The following RAP1GAP variants were observed in gnomAD, a reference collection of about 807,000 sequenced individuals.
The protein encoded by RAP1GAP is RAP1 GTPase activating protein.
RAP1GAP carries 35 observed loss-of-function variants against 87.2 expected under a neutral mutation model. The ratio of observed to expected loss-of-function variants is 0.40; its 90% CI spans 0.31 to 0.53. The LOEUF (loss-of-function observed/expected upper bound fraction) is 0.53. RAP1GAP is among the 20% of genes least tolerant of loss of function. The pLI is 0.48. For missense variants in RAP1GAP, 734 were observed against 898.9 expected (o/e 0.82, Z 2.35); for synonymous variants, 375 against 363.9 (o/e 1.03, Z -0.35).
Position 21,613,284 on chromosome 1 carries a change from G to A in RAP1GAP, c.475-55C>T. The A allele has an allele frequency of 2.1e-6, 3 of 1,431,762 alleles. No individual in the cohort carries two copies. The highest frequency in any genetic ancestry group is 1.7e-4 in the Middle Eastern group (1 of 5,732). 88.7% of individuals were successfully genotyped at this position (1,431,762 alleles called of 1,614,324 possible). On this transcript the variant is annotated intron_variant, in intron 9 of 24. Coordinates refer to ENST00000374765, the MANE Select transcript of RAP1GAP (RefSeq NM_002885.4). The surrounding 1 kb of genome is among the most constrained non-coding windows in gnomAD (Gnocchi z 4.7). Reference sequence around the variant, plus strand: ...GGTGTGGGGCCAGGGAGGAGAGGATGGGGCTGCCTGGGCCTCCCTGGTCAA... The same window carrying A: ...GGTGTGGGGCCAGGGAGGAGAGGATAGGGCTGCCTGGGCCTCCCTGGTCAA...
intron 21 of RAP1GAP, among the ~76,000 whole-genome samples, chr1:21,598,978 C>T (rs545635906): frequency 1.3e-4 from 20 of 152,348 alleles, no homozygotes; most frequent in South Asian, 1.0e-3. Flanking sequence ...AAGGGTGTTC[C>T]GGGCAAAGCC....
At chr1:21,597,827 G>A (rs1645997608) in intron 23 of RAP1GAP, 99 bp from the exon 24 acceptor site, 4 of 1,541,132 alleles carry the variant, frequency 2.6e-6, no homozygotes, top group Non-Finnish European at 3.6e-6. Flanking sequence ...TCCAGGCCGG[G>A]CAAGCCCCAC....
At chr1:21,611,388 GAACA>G in intron 13 of RAP1GAP, 60 bp downstream of exon 13, 1 of 1,556,484 alleles carries the variant, frequency 6.4e-7, no homozygotes, top group Non-Finnish European at 8.7e-7. Context: ...GATGGAGGCT[GAACA>G]GACAGGTGGA....
chr1:21,653,544 C>CT, intron 1 of RAP1GAP, among the ~76,000 whole-genome samples: 1 of 52,056 alleles, frequency 1.9e-5, no homozygotes, highest in Non-Finnish European at 4.0e-5. Context: ...AAGGGAGGAA[C>CT]TTCCTTCCTT....
chr1:21,635,963 A>G (rs1281461248), intron 2 of RAP1GAP, among the ~76,000 whole-genome samples: 1 of 152,218 alleles, frequency 6.6e-6, no homozygotes, highest in African/African-American at 2.4e-5. Context: ...TGGAAGCAGA[A>G]CCCTGAAGGA....
intron 2 of RAP1GAP, among the ~76,000 whole-genome samples, chr1:21,633,411 C>A (rs1307191509): frequency 6.6e-6 from 1 of 151,334 alleles, no homozygotes; most frequent in African/African-American, 2.5e-5. Flanking sequence ...GGGGTGCCTT[C>A]TCCTGCTTTT....
chr1:21,604,789 AT>A (rs2072650465), intron 18 of RAP1GAP, among the ~76,000 whole-genome samples: 2 of 151,276 alleles, frequency 1.3e-5, no homozygotes, highest in Admixed American at 1.3e-4. Flanking sequence ...GGATGGATGG[AT>A]GGATGGATCG....
intron 1 of RAP1GAP, among the ~76,000 whole-genome samples, chr1:21,652,055 C>A (rs543431583): frequency 1.3e-5 from 2 of 151,694 alleles, no homozygotes; most frequent in South Asian, 4.1e-4. Flanking sequence ...CGAGCCGGGC[C>A]CAGCCGGGCG....
chr1:21,649,960 C>T (rs914968699), intron 1 of RAP1GAP, among the ~76,000 whole-genome samples, 164 bp from the exon 2 acceptor site: 2 of 152,040 alleles, frequency 1.3e-5, no homozygotes, highest in African/African-American at 2.4e-5. Flanking sequence ...AGGCTGCAGT[C>T]GCCTGACTGT....
intron 19 of RAP1GAP, 60 bp from the exon 20 acceptor site, chr1:21,601,857 G>C: frequency 1.7e-6 from 2 of 1,205,238 alleles, no homozygotes; most frequent in Non-Finnish European, 2.3e-6. Flanking sequence ...CAGGCGTAGC[G>C]TGAGGCCCAG....
chr1:21,599,388 C>T (rs751350265), intron 21 of RAP1GAP, 106 bp downstream of exon 21: 15 of 1,480,408 alleles, frequency 1.0e-5, no homozygotes, highest in Non-Finnish European at 1.4e-5. Flanking sequence ...CCCCTGATCA[C>T]ATCTCAGCCA....
chr1:21,600,900 G>A (rs867114773), intron 20 of RAP1GAP, among the ~76,000 whole-genome samples: 79 of 43,574 alleles, frequency 1.8e-3, no homozygotes, highest in Non-Finnish European at 2.6e-3. Context: ...AAAAAAAAAA[G>A]TCAAAGCTCT....
chr1:21,630,270 T>C (rs2093459629), intron 2 of RAP1GAP, among the ~76,000 whole-genome samples: 1 of 151,732 alleles, frequency 6.6e-6, no homozygotes, highest in South Asian at 2.1e-4. Context: ...TTTTCCCTTT[T>C]TTTTTTTTGT....
intron 20 of RAP1GAP, among the ~76,000 whole-genome samples, chr1:21,601,345 C>A (rs1444715003): frequency 6.6e-6 from 1 of 152,062 alleles, no homozygotes; most frequent in East Asian, 1.9e-4. Context: ...AACACCTCTG[C>A]CCCCAGTCCC....
In RAP1GAP at chr1:21,603,311, G is replaced by T. The variant is rs1172483858; in HGVS notation, c.1429-398C>A. The T allele has an allele frequency of 1.3e-5, 5 of 389,522 alleles. No individual in the cohort carries two copies. In the East Asian group the frequency reaches 2.3e-4, roughly 18 times the overall value. The allele number at this position is 389,522 out of a possible 1,614,324, so 24.1% of individuals were successfully genotyped here. On this transcript the variant is annotated intron_variant, in intron 18 of 24. Coordinates refer to ENST00000374765, the MANE Select transcript of RAP1GAP (RefSeq NM_002885.4). This position sits in a 1 kb window ranked among gnomAD's most constrained non-coding sequence, Gnocchi z 6.0. ...CAAGTCCCACCCCGTGCCAGCTAGG[G>T]CCCCTCCCCGGAACCTCCAAATTGG...
At chr1:21,625,499 C>T (rs1018623842) in intron 3 of RAP1GAP, among the ~76,000 whole-genome samples, 4 of 152,162 alleles carry the variant, frequency 2.6e-5, no homozygotes, top group South Asian at 2.1e-4. Flanking sequence ...TGCATCCGGT[C>T]GTGGCCCCAC....
rs980100103 is a variant in RAP1GAP, at chr1:21,669,100, C to A, written c.-149+154G>T. Reference sequence around the variant, plus strand: ...GCTGCGCGAGCCCAGCTGCGCCCACCCCTCGCCCCTGGAGACCCGGGTCCC... The same window carrying A: ...GCTGCGCGAGCCCAGCTGCGCCCACACCTCGCCCCTGGAGACCCGGGTCCC... On this transcript the variant is annotated intron_variant, in intron 1 of 24. Coordinates refer to ENST00000374765, the MANE Select transcript of RAP1GAP (RefSeq NM_002885.4). The surrounding 1 kb of genome is among the most constrained non-coding windows in gnomAD (Gnocchi z 5.6). 1.3e-5 allele frequency among the ~76,000 whole-genome samples: 2 copies of A among 151,962 alleles called. No homozygotes were observed. Among genetic ancestry groups the A allele is most frequent in the Non-Finnish European group, 2.9e-5 (2 of 67,904 alleles).
chr1:21,621,200 G>A (rs1056283746), intron 3 of RAP1GAP, among the ~76,000 whole-genome samples: 8 of 152,132 alleles, frequency 5.3e-5, no homozygotes, highest in Admixed American at 3.9e-4. Flanking sequence ...AACCACTCTC[G>A]TGTGAGAACA....
At chr1:21,614,228 T>C in intron 7 of RAP1GAP, 139 bp from the exon 8 acceptor site, 1 of 616,466 alleles carries the variant, frequency 1.6e-6, no homozygotes, top group South Asian at 1.9e-5. Flanking sequence ...AGACCCCACA[T>C]CAGACAGACC....
Sources: gnomAD v4.1 joint callset for allele counts (sites outside exome capture counted in the v4.1 genomes callset) on GRCh38, gnomAD v4.1.1 for gene constraint, Gnocchi (gnomAD v3.1) non-coding constraint, MANE v1.5 for transcripts, NCBI Gene and HGNC (gene_info 2026-07-23, HGNC 2026-07-21) for gene names.